STK10: variants seen among roughly 807,000 people sequenced by gnomAD.
The protein encoded by STK10 is serine/threonine kinase 10.
In STK10, 78 loss-of-function variants were observed where a neutral mutation model predicts 113.8. The ratio of observed to expected loss-of-function variants is 0.69; its 90% CI spans 0.57 to 0.83. The LOEUF (loss-of-function observed/expected upper bound fraction) is 0.83, where lower values mean the gene tolerates loss of function less well. Ranked by LOEUF, STK10 falls within the 40% of genes least tolerant of loss-of-function variation. The pLI is 0.00. For synonymous variants in STK10, 465 were observed against 494.7 expected (o/e 0.94, Z 0.80); for missense variants, 1,109 against 1,280.1 (o/e 0.87, Z 2.04).
In STK10 at chr5:172,093,690, G is replaced by C. The variant is rs1268201522; in HGVS notation, c.1276C>G (p.Gln426Glu). 1 of 1,614,080 alleles carries C rather than the reference G, an allele frequency of 6.2e-7. No individual in the cohort carries two copies. Among genetic ancestry groups the C allele is most frequent in the African/African-American group, 1.3e-5 (1 of 74,924 alleles). Residue 426 changes from glutamine to glutamate, a missense_variant, in exon 9 of 19, where the codon CAG becomes GAG. Coordinates refer to ENST00000176763, the MANE Select transcript of STK10 (RefSeq NM_005990.4). The surrounding 1 kb of genome is among the most constrained non-coding windows in gnomAD (Gnocchi z 4.1). ...VSMDARIQVAQEKQVAEQGGD... is the reference protein window; with the variant it reads ...VSMDARIQVAEEKQVAEQGGD... ...CCCTGCTCAGCAACTTGCTTCTCCT[G>C]GGCTACCTGAATTCTGGCATCCATT...
At chr5:172,088,593 C>A (rs1253003885) in intron 10 of STK10, among the ~76,000 whole-genome samples, 1 of 152,106 alleles carries the variant, frequency 6.6e-6, no homozygotes, top group East Asian at 1.9e-4. Flanking sequence ...GATTAATGTT[C>A]TAGAAATTTT....
At chr5:172,097,319 C>A (rs1032525202) in intron 7 of STK10, among the ~76,000 whole-genome samples, 3 of 152,198 alleles carry the variant, frequency 2.0e-5, no homozygotes, top group Non-Finnish European at 2.9e-5. Context: ...GGATTACAGG[C>A]GTGAGCCACT....
intron 3 of STK10, among the ~76,000 whole-genome samples, chr5:172,123,646 C>T (rs766826572): frequency 5.3e-5 from 8 of 152,196 alleles, no homozygotes; most frequent in Non-Finnish European, 1.0e-4. Context: ...ATTCCCCAGC[C>T]TCCATTCCAG....
chr5:172,162,263 C>T (rs1770486959), intron 1 of STK10, among the ~76,000 whole-genome samples: 2 of 152,170 alleles, frequency 1.3e-5, no homozygotes, highest in South Asian at 4.2e-4. Flanking sequence ...ATTGCTTGAA[C>T]CCGGAAGGTG....
intron 13 of STK10, chr5:172,063,331 C>T (rs1161230607): frequency 6.6e-6 from 1 of 151,958 alleles, no homozygotes; most frequent in African/African-American, 2.4e-5. Flanking sequence ...GATCTTCTAT[C>T]ACATGTGTTT....
At chr5:172,068,250 G>A (rs1310600959) in intron 12 of STK10, among the ~76,000 whole-genome samples, 1 of 151,926 alleles carries the variant, frequency 6.6e-6, no homozygotes, top group African/African-American at 2.4e-5. Context: ...CTGAAGCAGA[G>A]AACTGCTTGA....
intron 1 of STK10, among the ~76,000 whole-genome samples, chr5:172,166,890 G>A (rs547750047): frequency 8.5e-5 from 13 of 152,108 alleles, no homozygotes; most frequent in Admixed American, 5.2e-4. Flanking sequence ...GGCCAGGCAC[G>A]GTGGCTCGTG....
chr5:172,167,624 C>T (rs2113829739), intron 1 of STK10, among the ~76,000 whole-genome samples: 1 of 152,316 alleles, frequency 6.6e-6, no homozygotes, highest in East Asian at 1.9e-4. Context: ...GACAGACACC[C>T]TCGTTCTTTC....
At chr5:172,103,248 A>T (rs573492989) in intron 7 of STK10, among the ~76,000 whole-genome samples, 2 of 152,226 alleles carry the variant, frequency 1.3e-5, no homozygotes, top group Non-Finnish European at 2.9e-5. Flanking sequence ...GGGTAATGCC[A>T]TGCCCACCCT....
intron 2 of STK10, among the ~76,000 whole-genome samples, chr5:172,150,116 G>A (rs900910255): frequency 9.3e-5 from 14 of 151,154 alleles, no homozygotes; most frequent in Non-Finnish European, 1.5e-4. Flanking sequence ...CTAGAGTTAT[G>A]GATTAGGAAA....
chr5:172,077,481 T>C (rs779731306), intron 12 of STK10, among the ~76,000 whole-genome samples: 1 of 152,226 alleles, frequency 6.6e-6, no homozygotes, highest in African/African-American at 2.4e-5. Context: ...ATATAGGAAC[T>C]GAGTAGCAGA....
chr5:172,174,412 T>G lies in STK10; in HGVS notation c.156+13475A>C, dbSNP rs973200532. Among the ~76,000 whole-genome samples, 9 of 152,144 alleles carry G rather than the reference T, an allele frequency of 5.9e-5. No homozygotes were observed. In the South Asian group the frequency reaches 1.9e-3, roughly 32 times the overall value. The stretch of plus-strand genomic sequence containing the variant: ...GTCTCGAACTCTTGACCTCAGATGA[T>G]CCACCCGCCTCGGCCTCCCAAAGTG... On this transcript the variant is annotated intron_variant, in intron 1 of 18. Coordinates refer to ENST00000176763, the MANE Select transcript of STK10 (RefSeq NM_005990.4).
At chr5:172,152,357 A>G (rs1770250210) in intron 2 of STK10, among the ~76,000 whole-genome samples, 1 of 152,208 alleles carries the variant, frequency 6.6e-6, no homozygotes, top group African/African-American at 2.4e-5. Context: ...TGCTCCTGTA[A>G]TACATGTTGG....
intron 2 of STK10, among the ~76,000 whole-genome samples, chr5:172,153,705 C>A (rs1295486820): frequency 6.6e-6 from 1 of 152,224 alleles, no homozygotes; most frequent in Non-Finnish European, 1.5e-5. Flanking sequence ...GCCACAGGGG[C>A]CCAGGCCTGG....
At position 172,150,493 on chromosome 5, in the gene STK10, A is replaced by AAG. The variant is rs1251100788; in HGVS notation, c.321+6130_321+6131insCT. On this transcript the variant is annotated intron_variant, in intron 2 of 18. Coordinates refer to ENST00000176763, the MANE Select transcript of STK10 (RefSeq NM_005990.4). ...CGAAACAACACCTCAAAAAAAAAAA[A>AAG]AAAGAAAGAAAGAAGAACTCAGGTC... Among the ~76,000 whole-genome samples the AAG allele has an allele frequency of 7.9e-5, 12 of 152,004 alleles. 1 individual carries two copies. Among genetic ancestry groups the AAG allele is most frequent in the African/African-American group, 2.9e-4 (12 of 41,442 alleles).
At chr5:172,178,377 C>T (rs1770794322) in intron 1 of STK10, among the ~76,000 whole-genome samples, 2 of 152,148 alleles carry the variant, frequency 1.3e-5, no homozygotes, top group Non-Finnish European at 2.9e-5. Context: ...ACCTTATCAC[C>T]ATCCCGCCTG....
chr5:172,117,421 A>G (rs1769411396), intron 4 of STK10, 60 bp downstream of exon 4: 1 of 1,595,176 alleles, frequency 6.3e-7, no homozygotes, highest in East Asian at 2.2e-5. Context: ...TGCAGAGGCC[A>G]GGCCAACACC....
rs996631049 is a variant in STK10, at chr5:172,067,888, A to G, written c.1990-3076T>C. ...AATTAAAAGAAAACCACCCTCATAC[A>G]TATCATAATAAAACTTGAAAACCAA... On this transcript the variant is annotated intron_variant, in intron 12 of 18. Coordinates refer to ENST00000176763, the MANE Select transcript of STK10 (RefSeq NM_005990.4). Among the ~76,000 whole-genome samples, 15 of 152,292 alleles carry G rather than the reference A, an allele frequency of 9.8e-5. No individual in the cohort carries two copies. In the East Asian group the frequency reaches 1.5e-3, roughly 16 times the overall value.
chr5:172,105,502 C>T, intron 7 of STK10, 154 bp downstream of exon 7: 1 of 745,508 alleles, frequency 1.3e-6, no homozygotes, highest in Admixed American at 2.4e-5. Flanking sequence ...ACAGAGCTGG[C>T]ATTCAGGAGG....
Sources: allele counts gnomAD v4.1 joint callset (sites outside exome capture counted in the v4.1 genomes callset), GRCh38; gene constraint gnomAD v4.1.1; non-coding constraint Gnocchi (gnomAD v3.1); transcripts MANE v1.5; gene names NCBI Gene and HGNC (gene_info 2026-07-23, HGNC 2026-07-21).